Variants in TBC1D8B observed in about 807,000 individuals in gnomAD.
The protein encoded by TBC1D8B is RP11-321G1.1.
Under a neutral mutation model 82.9 loss-of-function variants are expected in TBC1D8B, and 75 were observed. The ratio of observed to expected loss-of-function variants is 0.90; its 90% CI spans 0.75 to 1.10. TBC1D8B has a LOEUF of 1.10. Among genes scored for constraint, TBC1D8B ranks in the 50% least tolerant of loss-of-function variants. TBC1D8B has a pLI of 0.00. For missense variants in TBC1D8B, 794 were observed against 796.9 expected (o/e 1.00, Z 0.04); for synonymous variants, 276 against 276.8 (o/e 1.00, Z 0.03).
chrX:106,870,893 T>C (rs1477762593), intron 20 of TBC1D8B, 80 bp downstream of exon 20: 1 of 580,912 alleles, frequency 1.7e-6, no homozygotes, highest in Non-Finnish European at 2.7e-6. Flanking sequence ...ATAGCTAACA[T>C]GCTATTCCCA....
In TBC1D8B at chrX:106,830,054, G is replaced by T. The variant is rs1158432319; in HGVS notation, c.1203+2717G>T. On this transcript the variant is annotated intron_variant, in intron 7 of 20. Coordinates refer to ENST00000357242, the MANE Select transcript of TBC1D8B (RefSeq NM_017752.3). ...TTTCTCAACCTACTTATCTGACAAA[G>T]GGCTAATATCCAGAATCTACAATGA... 3 of 111,532 alleles carry T rather than the reference G, an allele frequency of 2.7e-5. No individual in the cohort carries two copies. In the Admixed American group the frequency reaches 2.9e-4, roughly 11 times the overall value. 9.2% of individuals were successfully genotyped at this position (111,532 alleles called of 1,213,427 possible).
intron 10 of TBC1D8B, among the ~76,000 whole-genome samples, chrX:106,845,322 A>C (rs1029079335): frequency 2.7e-5 from 3 of 109,272 alleles, no homozygotes; most frequent in African/African-American, 1.0e-4. Context: ...ATTATATTTT[A>C]AGTTTTAGGG....
At chrX:106,853,834 A>G (rs909879312) in intron 13 of TBC1D8B, among the ~76,000 whole-genome samples, 184 bp downstream of exon 13, 6 of 112,032 alleles carry the variant, frequency 5.4e-5, no homozygotes, top group African/African-American at 1.9e-4. Flanking sequence ...CTCTGCCTCA[A>G]TTTGTTTTTC....
At chrX:106,842,688 C>CATCT (rs773409033) in intron 10 of TBC1D8B, among the ~76,000 whole-genome samples, 1 of 109,545 alleles carries the variant, frequency 9.1e-6, no homozygotes, top group Admixed American at 9.9e-5. Flanking sequence ...CATCTGTCTC[C>CATCT]ATCTATCTAT....
intron 10 of TBC1D8B, among the ~76,000 whole-genome samples, chrX:106,841,647 T>A (rs1023375135): frequency 9.0e-6 from 1 of 111,564 alleles, no homozygotes. Context: ...CAAACACAGA[T>A]AATAGATGAA....
Position 106,839,319 on chromosome X carries a change from T to C in TBC1D8B, c.1215T>C (p.Ser405=). ...YHDISTELAI[S]SESTEPSDNF... The stretch of plus-strand genomic sequence containing the variant: ...TCTTTCTTTTTCAGCTTGCTATTAG[T>C]TCTGAGTCTACAGAGCCATCTGATA... The change falls in exon 8 of 21, where the codon AGT becomes AGC. Residue 405 remains serine, a synonymous_variant. Coordinates refer to ENST00000357242, the MANE Select transcript of TBC1D8B (RefSeq NM_017752.3). 1 of 1,158,580 alleles carries C rather than the reference T, an allele frequency of 8.6e-7. No homozygotes were observed. Among genetic ancestry groups the C allele is most frequent in the South Asian group, 2.1e-5 (1 of 46,629 alleles).
rs758063172 is a variant in TBC1D8B, at chrX:106,840,744, T to G, written c.1579T>G (p.Leu527Val). The G allele has an allele frequency of 8.3e-7, 1 of 1,211,514 alleles. No individual in the cohort carries two copies. Among genetic ancestry groups the G allele is most frequent in the Non-Finnish European group, 1.1e-6 (1 of 895,276 alleles). ...TGAGCAGTCCTTAGGGACCTGCAAC[T>G]TGGCTACTGAAGAAATTGAACGTGA... ...VVEQSLGTCN[L>V]ATEEIERDLR... The change falls in exon 10 of 21, where the codon TTG becomes GTG. Residue 527 changes from leucine (L) to valine (V), a missense_variant. By Grantham distance (32) the Leu-to-Val change is conservative. Coordinates refer to ENST00000357242, the MANE Select transcript of TBC1D8B (RefSeq NM_017752.3).
intron 8 of TBC1D8B, 87 bp from the exon 9 acceptor site, chrX:106,839,961 G>C: frequency 1.0e-6 from 1 of 965,650 alleles, no homozygotes; most frequent in South Asian, 2.6e-5. Flanking sequence ...TATAGATGTT[G>C]TTTCAAGGTA....
intron 7 of TBC1D8B, among the ~76,000 whole-genome samples, chrX:106,838,959 A>T (rs1932238425): frequency 1.8e-5 from 2 of 110,644 alleles, no homozygotes; most frequent in African/African-American, 6.6e-5. Context: ...AGACCCACAG[A>T]CTCTTCTGGT....
chrX:106,849,996 A>AT, intron 11 of TBC1D8B, 29 bp from the exon 12 acceptor site: 1 of 1,149,224 alleles, frequency 8.7e-7, no homozygotes, highest in African/African-American at 1.8e-5. Context: ...AAAAATGTTT[A>AT]TTTTTAAACT....
Position 106,802,959 on chromosome X carries a change from G to A in TBC1D8B, c.106G>A (p.Glu36Lys). 1 of 1,208,372 alleles carries A rather than the reference G, an allele frequency of 8.3e-7. No homozygotes were observed. Among genetic ancestry groups the A allele is most frequent in the Middle Eastern group, 2.4e-4 (1 of 4,234 alleles). ...GCTGCAGCGGCGTCGGGGCTACGGG[G>A]AGGAAGGCGGAGGGGGGCTCACAGG... is the stretch of plus-strand genomic sequence containing the variant. ...FVLQRRRGYG[E>K]EGGGGLTGLL... Residue 36 changes from glutamate (E) to lysine (K), a missense_variant, in exon 1 of 21, where the codon GAG becomes AAG. Transcript: ENST00000357242.
chrX:106,804,357 C>T (rs1399359330), intron 1 of TBC1D8B, among the ~76,000 whole-genome samples: 1 of 111,742 alleles, frequency 8.9e-6, no homozygotes, highest in Non-Finnish European at 1.9e-5. Context: ...TAAAATTTTG[C>T]TAGACCTATT....
rs1161757145 is a variant in TBC1D8B at position 106,848,184 on chromosome X, A to T, written c.1720-2A>T. On this transcript the variant is annotated splice_acceptor_variant, in intron 10 of 20. Coordinates refer to ENST00000357242, the MANE Select transcript of TBC1D8B (RefSeq NM_017752.3). LOFTEE classifies it high-confidence loss of function. Reference sequence around the variant, plus strand: ...TTTAATACTGTTTTCTATGAATTTTAGGCAATGAATATTTTGACTTCAGTG... The same window carrying T: ...TTTAATACTGTTTTCTATGAATTTTTGGCAATGAATATTTTGACTTCAGTG... 1 of 1,156,641 alleles carries T rather than the reference A, an allele frequency of 8.6e-7. No individual in the cohort carries two copies. Among genetic ancestry groups the T allele is most frequent in the Non-Finnish European group, 1.2e-6 (1 of 858,356 alleles).
intron 1 of TBC1D8B, among the ~76,000 whole-genome samples, chrX:106,816,224 A>C (rs1166552528): frequency 8.9e-6 from 1 of 111,931 alleles, no homozygotes; most frequent in East Asian, 2.8e-4. Flanking sequence ...CTCAGGATAC[A>C]AAATCAATGT....
intron 8 of TBC1D8B, among the ~76,000 whole-genome samples, chrX:106,839,725 A>G (rs976990484): frequency 1.8e-5 from 2 of 112,206 alleles, no homozygotes; most frequent in African/African-American, 6.5e-5. Context: ...TTTTATTTGC[A>G]TGGATTTCTA....
chrX:106,811,046 A>G (rs1931354654), intron 1 of TBC1D8B, among the ~76,000 whole-genome samples: 1 of 112,309 alleles, frequency 8.9e-6, no homozygotes, highest in Admixed American at 9.4e-5. Context: ...AAGTCATGAC[A>G]TTGGCCATAC....
intron 20 of TBC1D8B, among the ~76,000 whole-genome samples, chrX:106,872,594 A>T (rs780405473): frequency 1.9e-4 from 20 of 107,589 alleles, no homozygotes; most frequent in African/African-American, 6.9e-4. Context: ...AGCCTAATTT[A>T]TGCATAATTT....
chrX:106,850,992 C>T (rs1202553332), intron 12 of TBC1D8B, among the ~76,000 whole-genome samples: 1 of 111,677 alleles, frequency 9.0e-6, no homozygotes, highest in African/African-American at 3.3e-5. Context: ...GTGGTATTTG[C>T]CAAGTACTCT....
intron 6 of TBC1D8B, 43 bp downstream of exon 6, chrX:106,826,280 G>A: frequency 9.2e-7 from 1 of 1,082,005 alleles, no homozygotes; most frequent in Non-Finnish European, 1.3e-6. Context: ...GTTTGAAAAT[G>A]TTATCCTTCA....
Sources: allele counts gnomAD v4.1 joint callset (sites outside exome capture counted in the v4.1 genomes callset), GRCh38; gene constraint gnomAD v4.1.1; transcripts MANE v1.5; gene names NCBI Gene and HGNC (gene_info 2026-07-23, HGNC 2026-07-21).